The following ADGRL2 variants were observed in gnomAD, a reference collection of about 807,000 sequenced individuals.
ADGRL2 encodes adhesion G protein-coupled receptor L2, also known as calcium-independent alpha-latrotoxin receptor 2.
Under a neutral mutation model 157.4 loss-of-function variants are expected in ADGRL2, and 44 were observed. The observed-to-expected ratio is 0.28, with a 90% CI of 0.22 to 0.36. ADGRL2 has a LOEUF of 0.36. ADGRL2 is among the 10% of genes least tolerant of loss of function. The probability of loss-of-function intolerance (pLI) is 1.00; values close to 1 mark genes in which losing one functional copy is unlikely to be tolerated. For synonymous variants in ADGRL2, 585 were observed against 624.7 expected (o/e 0.94, Z 0.95); for missense variants, 1,510 against 1,768.9 (o/e 0.85, Z 2.63).
chr1:81,420,680 G>C (rs1053229101), intron 1 of ADGRL2, among the ~76,000 whole-genome samples: 13 of 152,042 alleles, frequency 8.6e-5, no homozygotes, highest in African/African-American at 3.1e-4. Flanking sequence ...GTACTCTATT[G>C]ATGGGAAGTA....
chr1:81,943,008 C>T lies in ADGRL2; in HGVS notation c.449C>T (p.Ser150Leu). The T allele has an allele frequency of 1.2e-6, 2 of 1,613,066 alleles. No homozygotes were observed. The highest frequency in any genetic ancestry group is 1.7e-6 in the Non-Finnish European group (2 of 1,179,324). Residue 150 changes from serine to leucine, a missense_variant, in exon 6 of 24, where the codon TCA (serine) becomes TTA (leucine). Transcript: ENST00000686636. The surrounding 1 kb of genome is among the most constrained non-coding windows in gnomAD (Gnocchi z 5.6). Reference protein sequence around the residue: ...CPGTLKAIVDSPCIYEAEQKA... With the variant: ...CPGTLKAIVDLPCIYEAEQKA... ...GGGACCTTGAAAGCAATTGTGGACTCACCATGTATATATGAAGCTGAACAA... is the reference window on the plus strand; with the variant it reads ...GGGACCTTGAAAGCAATTGTGGACTTACCATGTATATATGAAGCTGAACAA...
intron 11 of ADGRL2, among the ~76,000 whole-genome samples, chr1:81,958,037 A>G (rs1230368890): frequency 6.6e-6 from 1 of 151,938 alleles, no homozygotes; most frequent in African/African-American, 2.4e-5. Flanking sequence ...AGGTGGATGG[A>G]TCACCTGAGG....
chr1:81,980,194 T>C (rs1337417759), intron 18 of ADGRL2, among the ~76,000 whole-genome samples: 1 of 151,766 alleles, frequency 6.6e-6, no homozygotes, highest in Non-Finnish European at 1.5e-5. Flanking sequence ...TTGTGGAAAT[T>C]CCATATCACT....
chr1:81,491,323 T>C (rs956283524), intron 2 of ADGRL2, among the ~76,000 whole-genome samples: 1 of 152,184 alleles, frequency 6.6e-6, no homozygotes, highest in Non-Finnish European at 1.5e-5. Context: ...ATATGGAAGA[T>C]AGTCTAGTCT....
chr1:81,720,647 C>A (rs2084277926), intron 1 of ADGRL2, among the ~76,000 whole-genome samples: 1 of 151,818 alleles, frequency 6.6e-6, no homozygotes, highest in Admixed American at 6.6e-5. Flanking sequence ...ATTTTAGTAA[C>A]ACAAATTTCA....
intron 2 of ADGRL2, chr1:81,579,217 C>T (rs532772716): frequency 6.6e-6 from 1 of 152,316 alleles, no homozygotes; most frequent in African/African-American, 2.4e-5. Context: ...ACTCTATCAA[C>T]TCAAAGAGCA....
At chr1:81,571,435 G>GGTATATGTATATATATGTGTGTGTGTATA (rs1553125634) in intron 2 of ADGRL2, among the ~76,000 whole-genome samples, 3 of 147,602 alleles carry the variant, frequency 2.0e-5, no homozygotes, top group Admixed American at 6.8e-5. Context: ...GTGTGTGTGT[G>GGTATATGTATATATATGTGTGTGTGTATA]TATATATATA....
intron 3 of ADGRL2, among the ~76,000 whole-genome samples, chr1:81,637,778 T>C (rs2082142340): frequency 6.6e-6 from 1 of 152,202 alleles, no homozygotes; most frequent in Admixed American, 6.5e-5. Context: ...AAATTTTTTC[T>C]GTGGCAAGAT....
At chr1:81,441,501 T>A (rs2077506394) in intron 1 of ADGRL2, among the ~76,000 whole-genome samples, 1 of 152,088 alleles carries the variant, frequency 6.6e-6, no homozygotes, top group Non-Finnish European at 1.5e-5. Context: ...AATATTCAAT[T>A]TTTGTTTGTT....
intron 2 of ADGRL2, chr1:81,501,728 G>A (rs2078852925): frequency 1.2e-6 from 2 of 1,606,622 alleles, no homozygotes; most frequent in African/African-American, 2.7e-5. Flanking sequence ...CTGTGCCCAG[G>A]TTCAGAGTCA....
intron 2 of ADGRL2, among the ~76,000 whole-genome samples, chr1:81,517,464 C>CA (rs397956551): frequency 0.26 from 11,429 of 43,738 alleles, 1,487 homozygotes; most frequent in African/African-American, 0.34. Flanking sequence ...GACTCCCTCT[C>CA]AAAAAAAAAA....
intron 2 of ADGRL2, among the ~76,000 whole-genome samples, chr1:81,903,745 TTA>T (rs534410710): frequency 4.2e-5 from 6 of 142,432 alleles, no homozygotes; most frequent in Non-Finnish European, 7.7e-5. Context: ...TATATACACA[TTA>T]TATATATACA....
At chr1:81,901,210 A>G (rs1007514214) in intron 2 of ADGRL2, among the ~76,000 whole-genome samples, 2 of 152,222 alleles carry the variant, frequency 1.3e-5, no homozygotes, top group Non-Finnish European at 2.9e-5. Context: ...GATTTAGCAT[A>G]TAAGGATTTT....
At chr1:81,557,637 A>G (rs747094543) in intron 2 of ADGRL2, 1 of 152,322 alleles carries the variant, frequency 6.6e-6, no homozygotes, top group Non-Finnish European at 1.5e-5. Flanking sequence ...CTTCCTAATC[A>G]GTGCAGTTGA....
chr1:81,322,699 C>T (rs916097869), intron 1 of ADGRL2, among the ~76,000 whole-genome samples: 5 of 151,916 alleles, frequency 3.3e-5, no homozygotes, highest in African/African-American at 4.8e-5. Context: ...TTGAAAAACA[C>T]GGTATATCAA....
At chr1:81,710,099 T>C (rs1248993596) in intron 1 of ADGRL2, among the ~76,000 whole-genome samples, 1 of 152,186 alleles carries the variant, frequency 6.6e-6, no homozygotes, top group African/African-American at 2.4e-5. Flanking sequence ...ATTTAATTTA[T>C]TTATCACATA....
At chr1:81,639,785 A>C (rs189180626) in intron 3 of ADGRL2, among the ~76,000 whole-genome samples, 1 of 152,292 alleles carries the variant, frequency 6.6e-6, no homozygotes, top group East Asian at 1.9e-4. Flanking sequence ...TTCACTTCAC[A>C]GCATAATGCT....
chr1:81,646,875 T>C (rs2082325000), intron 3 of ADGRL2, among the ~76,000 whole-genome samples: 1 of 152,204 alleles, frequency 6.6e-6, no homozygotes, highest in African/African-American at 2.4e-5. Context: ...TTCACCAGCA[T>C]TACAGGATGA....
intron 2 of ADGRL2, among the ~76,000 whole-genome samples, chr1:81,787,456 A>G (rs1229556784): frequency 6.6e-6 from 1 of 152,014 alleles, no homozygotes; most frequent in Non-Finnish European, 1.5e-5. Context: ...GGAGTTTCAG[A>G]CCAGCCTGGA....
Sources: gnomAD v4.1 joint callset for allele counts (sites outside exome capture counted in the v4.1 genomes callset) on GRCh38, gnomAD v4.1.1 for gene constraint, Gnocchi (gnomAD v3.1) non-coding constraint, MANE v1.5 for transcripts, NCBI Gene and HGNC (gene_info 2026-07-23, HGNC 2026-07-21) for gene names.